ZNF804B: variants seen among roughly 807,000 people sequenced by gnomAD.
ZNF804B encodes zinc finger 804B.
Under a neutral mutation model 101.4 loss-of-function variants are expected in ZNF804B, and 80 were observed. That is an observed-to-expected ratio of 0.79 (90% CI 0.66 to 0.95). The LOEUF is 0.95. Ranked by LOEUF, ZNF804B falls within the 40% of genes least tolerant of loss-of-function variation. The pLI, the probability that ZNF804B is intolerant of heterozygous loss-of-function variation, is 0.00. For synonymous variants in ZNF804B, 622 were observed against 558.8 expected, an observed-to-expected ratio of 1.11 and a Z score of -1.59; for missense variants, 1,673 against 1,561.9, an observed-to-expected ratio of 1.07 and a Z score of -1.20.
intron 2 of ZNF804B, among the ~76,000 whole-genome samples, chr7:89,235,834 T>C (rs1264150743): frequency 6.6e-6 from 1 of 152,054 alleles, no homozygotes; most frequent in East Asian, 1.9e-4. Context: ...CTTCCCACAA[T>C]GTCTTTGTAC....
At chr7:88,838,347 C>T (rs1381460464) in intron 1 of ZNF804B, among the ~76,000 whole-genome samples, 2 of 151,862 alleles carry the variant, frequency 1.3e-5, no homozygotes, top group African/African-American at 4.8e-5. Context: ...GGCAGACTGT[C>T]TCTCAAGTTT....
intron 1 of ZNF804B, among the ~76,000 whole-genome samples, chr7:89,151,412 T>C (rs1790874054): frequency 6.6e-6 from 1 of 152,068 alleles, no homozygotes; most frequent in South Asian, 2.1e-4. Context: ...TGAGACATAT[T>C]GTACAATCTA....
At chr7:88,907,326 A>G (rs373455438) in intron 1 of ZNF804B, among the ~76,000 whole-genome samples, 9 of 151,912 alleles carry the variant, frequency 5.9e-5, no homozygotes, top group Non-Finnish European at 1.0e-4. Flanking sequence ...TGTTTTGCCC[A>G]TTTAAATTCA....
intron 1 of ZNF804B, among the ~76,000 whole-genome samples, chr7:89,084,720 T>TACAC (rs201781861): frequency 6.6e-6 from 1 of 151,760 alleles, no homozygotes; most frequent in African/African-American, 2.4e-5. Flanking sequence ...ACAATAGTAA[T>TACAC]ACACACACAC....
At chr7:89,289,794 C>T (rs1790258322) in intron 2 of ZNF804B, among the ~76,000 whole-genome samples, 2 of 152,152 alleles carry the variant, frequency 1.3e-5, no homozygotes, top group African/African-American at 4.8e-5. Context: ...CACAAAGACT[C>T]CAACTCTTAG....
chr7:88,860,060 C>T (rs895766196), intron 1 of ZNF804B, among the ~76,000 whole-genome samples: 5 of 151,840 alleles, frequency 3.3e-5, no homozygotes, highest in East Asian at 1.9e-4. Context: ...TGTTCTCTTG[C>T]GTCTGTTTTC....
At chr7:89,097,240 G>A (rs778686408) in intron 1 of ZNF804B, among the ~76,000 whole-genome samples, 3 of 152,192 alleles carry the variant, frequency 2.0e-5, no homozygotes, top group Non-Finnish European at 4.4e-5. Context: ...ATGTTTCTGT[G>A]ACTCTTTCTT....
intron 1 of ZNF804B, among the ~76,000 whole-genome samples, chr7:88,943,874 C>G (rs975284140): frequency 6.6e-6 from 1 of 151,778 alleles, no homozygotes; most frequent in Non-Finnish European, 1.5e-5. Context: ...GTGTACCTTT[C>G]TGTATTTGTC....
At chr7:88,965,548 A>G (rs1445269408) in intron 1 of ZNF804B, among the ~76,000 whole-genome samples, 1 of 151,424 alleles carries the variant, frequency 6.6e-6, no homozygotes, top group Admixed American at 6.6e-5. Context: ...GGCTATCACA[A>G]ATACGTCTGA....
At chr7:89,118,380 T>C (rs6958794) in intron 1 of ZNF804B, among the ~76,000 whole-genome samples, 107,574 of 151,960 alleles carry the variant, frequency 0.71, 39,031 homozygotes, top group African/African-American at 0.87. Context: ...CTCCATAGTT[T>C]CTAGGCACTT....
chr7:89,222,706 C>T (rs921861422), intron 2 of ZNF804B, among the ~76,000 whole-genome samples: 3 of 151,866 alleles, frequency 2.0e-5, no homozygotes, highest in African/African-American at 7.2e-5. Context: ...TCAACACATA[C>T]TTCTGCATAT....
intron 2 of ZNF804B, among the ~76,000 whole-genome samples, chr7:89,277,269 A>G: frequency 6.7e-6 from 1 of 150,344 alleles, no homozygotes; most frequent in African/African-American, 2.4e-5. Flanking sequence ...CTTATTAGTC[A>G]TATCTGATGC....
intron 1 of ZNF804B, among the ~76,000 whole-genome samples, chr7:89,097,981 T>C (rs553308973): frequency 7.2e-5 from 11 of 152,186 alleles, no homozygotes; most frequent in Non-Finnish European, 1.6e-4. Context: ...AAAATACATA[T>C]TCAGAAGCTA....
chr7:89,124,476 A>G (rs12667018), intron 1 of ZNF804B, among the ~76,000 whole-genome samples: 50,268 of 151,942 alleles, frequency 0.33, 8,577 homozygotes, highest in East Asian at 0.58. Flanking sequence ...TGGACTTGAA[A>G]TGACATTAAT....
intron 1 of ZNF804B, among the ~76,000 whole-genome samples, chr7:88,832,734 C>T (rs28548571): frequency 0.039 from 5,933 of 151,968 alleles, 408 homozygotes; most frequent in African/African-American, 0.14. Flanking sequence ...TGACTTCAGT[C>T]ATTGCTGTTT....
At chr7:88,840,611 A>G (rs1006498963) in intron 1 of ZNF804B, among the ~76,000 whole-genome samples, 6 of 152,182 alleles carry the variant, frequency 3.9e-5, no homozygotes, top group African/African-American at 1.4e-4. Context: ...CATTTGTAGG[A>G]CATTAACCAT....
intron 2 of ZNF804B, among the ~76,000 whole-genome samples, chr7:89,313,258 G>T (rs1193920493): frequency 6.6e-6 from 1 of 152,004 alleles, no homozygotes; most frequent in African/African-American, 2.4e-5. Flanking sequence ...TTTAAAATTA[G>T]GTTAATAATT....
chr7:88,810,416 G>A (rs1258447829), intron 1 of ZNF804B, among the ~76,000 whole-genome samples: 1 of 151,834 alleles, frequency 6.6e-6, no homozygotes, highest in South Asian at 2.1e-4. Context: ...ACTTAAGGAG[G>A]CCAAGGCAAG....
intron 2 of ZNF804B, among the ~76,000 whole-genome samples, chr7:89,240,538 T>C (rs747546999): frequency 6.6e-6 from 1 of 152,090 alleles, no homozygotes; most frequent in Non-Finnish European, 1.5e-5. Flanking sequence ...TAACCTCTAC[T>C]ATTTATGATT....
Sources: allele counts gnomAD v4.1 joint callset (sites outside exome capture counted in the v4.1 genomes callset), GRCh38; gene constraint gnomAD v4.1.1; transcripts MANE v1.5; gene names NCBI Gene and HGNC (gene_info 2026-07-23, HGNC 2026-07-21).